Variants in ADGRB2 observed in about 807,000 individuals in gnomAD.
ADGRB2 encodes the protein brain-specific angiogenesis inhibitor 2.
Under a neutral mutation model 178.7 loss-of-function variants are expected in ADGRB2, and 47 were observed. The ratio of observed to expected loss-of-function variants is 0.26; its 90% CI spans 0.21 to 0.34. ADGRB2 has a LOEUF of 0.34. ADGRB2 is among the 10% of genes least tolerant of loss of function. ADGRB2 has a pLI of 1.00. For synonymous variants in ADGRB2, 870 were observed against 912.4 expected, an observed-to-expected ratio of 0.95 and a Z score of 0.84; for missense variants, 1,584 against 2,180.8, an observed-to-expected ratio of 0.73 and a Z score of 5.45.
Position 31,727,319 on chromosome 1 carries a change from G to A in ADGRB2, c.*101C>T, listed in dbSNP as rs1049940255. 8.7e-6 allele frequency: 12 copies of A among 1,377,672 alleles called. No individual in the cohort carries two copies. The highest frequency in any genetic ancestry group is 2.0e-4 in the Middle Eastern group (1 of 4,930). The allele number at this position is 1,377,672 out of a possible 1,614,324, so 85.3% of individuals were successfully genotyped here. Reference sequence around the variant, plus strand: ...CACGGCGCCTCCCTGCCCAGCCCTCGGGAGAGGGGAGAGGGCGCTGGCTCC... The same window carrying A: ...CACGGCGCCTCCCTGCCCAGCCCTCAGGAGAGGGGAGAGGGCGCTGGCTCC... On this transcript the variant is annotated 3_prime_UTR_variant, in exon 33 of 33. Transcript: ENST00000373658. This position sits in a 1 kb window ranked among gnomAD's most constrained non-coding sequence, Gnocchi z 4.4.
Position 31,741,214 on chromosome 1 carries a change from T to G in ADGRB2, c.1794+159A>C, listed in dbSNP as rs1252139930. ...CACTTGAGAGTCAGGCCTTGAGGTA[T>G]GAGTAGGAGCTTGCCAGACAAGGAG... On this transcript the variant is annotated intron_variant, in intron 11 of 32. Coordinates refer to ENST00000373658, the MANE Select transcript of ADGRB2 (RefSeq NM_001364857.2). This position sits in a 1 kb window ranked among gnomAD's most constrained non-coding sequence, Gnocchi z 6.5. Among the ~76,000 whole-genome samples, 1 of 151,994 alleles carries G rather than the reference T, an allele frequency of 6.6e-6. No homozygotes were observed. Among genetic ancestry groups the G allele is most frequent in the Non-Finnish European group, 1.5e-5 (1 of 67,998 alleles).
At chr1:31,746,717 C>T (rs977506758) in intron 4 of ADGRB2, among the ~76,000 whole-genome samples, 3 of 152,184 alleles carry the variant, frequency 2.0e-5, no homozygotes, top group Non-Finnish European at 1.5e-5. Context: ...TCTCCAACTA[C>T]CAACTTCCCT....
chr1:31,735,438 G>T lies in ADGRB2; in HGVS notation c.3353+142C>A. Reference sequence around the variant, plus strand: ...GGGGCTGCGGCTGAGCACTCCGGGTGCCCACCTTGCCTGCAACCTTGATGC... The same window carrying T: ...GGGGCTGCGGCTGAGCACTCCGGGTTCCCACCTTGCCTGCAACCTTGATGC... On this transcript the variant is annotated intron_variant, in intron 24 of 32. Transcript: ENST00000373658. This position sits in a 1 kb window ranked among gnomAD's most constrained non-coding sequence, Gnocchi z 6.0. The T allele has an allele frequency of 1.6e-6, 2 of 1,258,650 alleles. No homozygotes were observed. Among genetic ancestry groups the T allele is most frequent in the Non-Finnish European group, 2.3e-6 (2 of 884,588 alleles). The allele number at this position is 1,258,650 out of a possible 1,614,324, so 78.0% of individuals were successfully genotyped here. A position where few individuals can be genotyped will look rare whatever the true frequency, so the allele number is the denominator to read the frequency against.
rs921259883 is a variant in ADGRB2, at chr1:31,749,163, C to A, written c.839-4432G>T. Reference sequence around the variant, plus strand: ...TACTGTTTAATTGCTCCTTTGCACACCTGCTCCCCTTTCCCCTGACATGAG... The same window carrying A: ...TACTGTTTAATTGCTCCTTTGCACAACTGCTCCCCTTTCCCCTGACATGAG... On this transcript the variant is annotated intron_variant, in intron 4 of 32. Coordinates refer to ENST00000373658, the MANE Select transcript of ADGRB2 (RefSeq NM_001364857.2). Among the ~76,000 whole-genome samples the A allele has an allele frequency of 3.9e-5, 6 of 152,236 alleles. No individual in the cohort carries two copies. In the East Asian group the frequency reaches 1.2e-3, roughly 29 times the overall value.
intron 4 of ADGRB2, among the ~76,000 whole-genome samples, chr1:31,749,307 ACT>A (rs1028765264): frequency 4.6e-5 from 7 of 151,904 alleles, no homozygotes; most frequent in African/African-American, 1.5e-4. Context: ...AGAGTGTGAA[ACT>A]CTGAGCCTGG....
chr1:31,728,749 A>G lies in ADGRB2; in HGVS notation c.4381-116T>C. 1 of 1,251,416 alleles carries G rather than the reference A, an allele frequency of 8.0e-7. No individual in the cohort carries two copies. 77.5% of individuals were successfully genotyped at this position (1,251,416 alleles called of 1,614,324 possible). The stretch of plus-strand genomic sequence containing the variant: ...GGTCTGCCCGCTGCACCTTCCCCCC[A>G]ACCCAGGCCCAGAAGTTGCGGACCT... On this transcript the variant is annotated intron_variant, in intron 29 of 32. Transcript: ENST00000373658. The surrounding 1 kb of genome is among the most constrained non-coding windows in gnomAD (Gnocchi z 6.7).
Position 31,735,120 on chromosome 1 carries a change from C to G in ADGRB2, c.3452+63G>C. 14 of 669,598 alleles carry G rather than the reference C, an allele frequency of 2.1e-5. No homozygotes were observed. Among genetic ancestry groups the G allele is most frequent in the Non-Finnish European group, 2.8e-5 (12 of 433,252 alleles). The allele number at this position is 669,598 out of a possible 1,614,324, so 41.5% of individuals were successfully genotyped here. On this transcript the variant is annotated intron_variant, in intron 25 of 32. Transcript: ENST00000373658. This position sits in a 1 kb window ranked among gnomAD's most constrained non-coding sequence, Gnocchi z 6.0. ...TCCCTCCTCCTCCCCCCACCATGGG[C>G]ACTGCCCCCCCCAATTCCTTTGCCC...
At position 31,728,294 on chromosome 1, in the gene ADGRB2, G is replaced by A. The variant is rs1645096439; in HGVS notation, c.4417-14C>T. 1.2e-6 allele frequency: 2 copies of A among 1,612,246 alleles called. No homozygotes were observed. Among genetic ancestry groups the A allele is most frequent in the Admixed American group, 3.3e-5 (2 of 59,970 alleles). ...GTGCATCACCTTCTAGGGGCCACAG[G>A]GCATCAGAGGGTCGCTCCCCGGGGC... On this transcript the variant is annotated splice_polypyrimidine_tract_variant and intron_variant, in intron 30 of 32. Transcript: ENST00000373658. This position sits in a 1 kb window ranked among gnomAD's most constrained non-coding sequence, Gnocchi z 6.7.
At chr1:31,739,816 A>G in intron 14 of ADGRB2, 110 bp downstream of exon 14, 1 of 1,228,672 alleles carries the variant, frequency 8.1e-7, no homozygotes, top group East Asian at 2.4e-5. Context: ...GATGAAGGAG[A>G]GGGTAGAATG....
chr1:31,732,248 G>A, intron 27 of ADGRB2, 94 bp from the exon 28 acceptor site: 3 of 1,549,824 alleles, frequency 1.9e-6, no homozygotes, highest in East Asian at 2.2e-5. Flanking sequence ...GCTTTGCCCA[G>A]TCTGCCTGCC....
intron 14 of ADGRB2, 84 bp downstream of exon 14, chr1:31,739,842 A>C (rs1453352629): frequency 9.6e-6 from 13 of 1,353,934 alleles, no homozygotes; most frequent in Non-Finnish European, 2.1e-6. Flanking sequence ...AGAAAGATAC[A>C]AATACGGGGT....
rs1282771634 is a variant in ADGRB2 at position 31,733,584 on chromosome 1, G to A, written c.3453-441C>T. ...GCAACAACAACCACAGTGAGAGAACGCATGCGACAGAGACACCCAGACAGA... is the reference window on the plus strand; with the variant it reads ...GCAACAACAACCACAGTGAGAGAACACATGCGACAGAGACACCCAGACAGA... On this transcript the variant is annotated intron_variant, in intron 25 of 32. Coordinates refer to ENST00000373658, the MANE Select transcript of ADGRB2 (RefSeq NM_001364857.2). The surrounding 1 kb of genome is among the most constrained non-coding windows in gnomAD (Gnocchi z 4.3). Among the ~76,000 whole-genome samples the A allele has an allele frequency of 2.0e-5, 3 of 152,148 alleles. No homozygotes were observed. Among genetic ancestry groups the A allele is most frequent in the Non-Finnish European group, 2.9e-5 (2 of 68,036 alleles).
intron 4 of ADGRB2, among the ~76,000 whole-genome samples, chr1:31,749,696 G>C (rs1646460839): frequency 1.3e-5 from 2 of 152,236 alleles, no homozygotes; most frequent in African/African-American, 4.8e-5. Flanking sequence ...CGGATCGTTT[G>C]AGCCCAGGAA....
In ADGRB2 at chr1:31,744,270, A is replaced by G; in HGVS notation, c.1010T>C (p.Val337Ala). The change falls in exon 6 of 33, where the codon GTG becomes GCG. Residue 337 changes from valine (V) to alanine (A), a missense_variant. Val to Ala is a moderately conservative substitution (Grantham distance 64). Transcript: ENST00000373658. The surrounding 1 kb of genome is among the most constrained non-coding windows in gnomAD (Gnocchi z 6.7). Reference protein sequence around the residue: ...QGLQVRTRSCVSSPYGTLCSG... With the variant: ...QGLQVRTRSCASSPYGTLCSG... ...GCACAGGGTCCCATAGGGGGAGGAC[A>G]CACAGGAGCGGGTCCGCACCTGCAG... 1 of 1,551,308 alleles carries G rather than the reference A, an allele frequency of 6.4e-7. No individual in the cohort carries two copies. The highest frequency in any genetic ancestry group is 8.7e-7 in the Non-Finnish European group (1 of 1,146,838).
At position 31,737,770 on chromosome 1, in the gene ADGRB2, C is replaced by A. The variant is rs1373202465; in HGVS notation, c.2773-15G>T. On this transcript the variant is annotated splice_polypyrimidine_tract_variant and intron_variant, in intron 18 of 32. Coordinates refer to ENST00000373658, the MANE Select transcript of ADGRB2 (RefSeq NM_001364857.2). ...AGCTCCAGGGTCTGGGGAAGATGGGCAGACAGTCAGATGGGTTCCTGGGAG... is the reference window on the plus strand; with the variant it reads ...AGCTCCAGGGTCTGGGGAAGATGGGAAGACAGTCAGATGGGTTCCTGGGAG... 6 of 1,611,520 alleles carry A rather than the reference C, an allele frequency of 3.7e-6. No individual in the cohort carries two copies. In the Admixed American group the frequency reaches 1.0e-4, roughly 27 times the overall value.
chr1:31,744,239 C>T lies in ADGRB2; in HGVS notation c.1041G>A (p.Gly347=), dbSNP rs866946009. ...TGCAGGGCCTGGTCTCCCGCAGGGG[C>T]CCGCTGCACAGGGTCCCATAGGGGG... ...VSSPYGTLCS[G]PLRETRPCNN... is the part of the protein sequence containing the mutation. The change falls in exon 6 of 33, where the codon GGG becomes GGA. Residue 347 remains glycine (G), a synonymous_variant. Coordinates refer to ENST00000373658, the MANE Select transcript of ADGRB2 (RefSeq NM_001364857.2). The surrounding 1 kb of genome is among the most constrained non-coding windows in gnomAD (Gnocchi z 6.7). The T allele has an allele frequency of 4.5e-6, 7 of 1,547,442 alleles. No homozygotes were observed. The highest frequency in any genetic ancestry group is 5.2e-6 in the Non-Finnish European group (6 of 1,144,804).
intron 4 of ADGRB2, among the ~76,000 whole-genome samples, chr1:31,750,622 C>T (rs1646517705): frequency 6.6e-6 from 1 of 152,158 alleles, no homozygotes; most frequent in South Asian, 2.1e-4. Context: ...TCGTCCCTTC[C>T]CTGGGCTCCC....
At position 31,730,794 on chromosome 1, in the gene ADGRB2, C is replaced by T. The variant is rs778070855; in HGVS notation, c.4380+6G>A. ...GACACACACCCCATTCCCTACAGCCCCTCACCTCCAGGGAGCCCATCTTCA... is the reference window on the plus strand; with the variant it reads ...GACACACACCCCATTCCCTACAGCCTCTCACCTCCAGGGAGCCCATCTTCA... On this transcript the variant is annotated splice_donor_region_variant and intron_variant, in intron 29 of 32. Coordinates refer to ENST00000373658, the MANE Select transcript of ADGRB2 (RefSeq NM_001364857.2). 6.7e-7 allele frequency: 1 copy of T among 1,496,192 alleles called. No individual in the cohort carries two copies. Among genetic ancestry groups the T allele is most frequent in the South Asian group, 1.4e-5 (1 of 71,718 alleles). The allele number at this position is 1,496,192 out of a possible 1,614,324, so 92.7% of individuals were successfully genotyped here.
At position 31,740,105 on chromosome 1, in the gene ADGRB2, C is replaced by T. The variant is rs1182861194; in HGVS notation, c.2058+5G>A. The T allele has an allele frequency of 6.2e-6, 10 of 1,614,010 alleles. No individual in the cohort carries two copies. The highest frequency in any genetic ancestry group is 7.6e-6 in the Non-Finnish European group (9 of 1,180,022). ...GGAGGAGAAGCTGGCAGCTGTGCCC[C>T]GCACCTGCTGAGCATCGTCCCACTT... On this transcript the variant is annotated splice_donor_5th_base_variant and intron_variant, in intron 13 of 32. Coordinates refer to ENST00000373658, the MANE Select transcript of ADGRB2 (RefSeq NM_001364857.2). The surrounding 1 kb of genome is among the most constrained non-coding windows in gnomAD (Gnocchi z 5.9).
Sources: gnomAD v4.1 joint callset for allele counts (sites outside exome capture counted in the v4.1 genomes callset) on GRCh38, gnomAD v4.1.1 for gene constraint, Gnocchi (gnomAD v3.1) non-coding constraint, MANE v1.5 for transcripts, NCBI Gene and HGNC (gene_info 2026-07-23, HGNC 2026-07-21) for gene names.